Variants in DDAH1 observed in about 807,000 individuals in gnomAD.
The protein encoded by DDAH1 is N(G),N(G)-dimethylarginine dimethylaminohydrolase 1.
A neutral mutation model predicts 28.8 loss-of-function variants in DDAH1; 19 were observed. That is an observed-to-expected ratio of 0.66 (90% CI 0.46 to 0.97). The LOEUF (loss-of-function observed/expected upper bound fraction) is 0.97, where lower values mean the gene tolerates loss of function less well. Among genes scored for constraint, DDAH1 ranks in the 50% least tolerant of loss-of-function variants. The pLI is 0.00. For synonymous variants in DDAH1, 153 were observed against 154.4 expected (o/e 0.99, Z 0.07); for missense variants, 326 against 375.9 (o/e 0.87, Z 1.10).
At chr1:85,407,497 G>T (rs1004603227) in intron 1 of DDAH1, among the ~76,000 whole-genome samples, 4 of 152,160 alleles carry the variant, frequency 2.6e-5, no homozygotes, top group African/African-American at 9.7e-5. Context: ...CTGGCATCTG[G>T]AAACACACTT....
chr1:85,477,256 C>G (rs1021551519), intron 2 of DDAH1, among the ~76,000 whole-genome samples: 1 of 152,082 alleles, frequency 6.6e-6, no homozygotes, highest in Non-Finnish European at 1.5e-5. Context: ...ATATTGTTAA[C>G]CTTGTTTTAA....
intron 2 of DDAH1, among the ~76,000 whole-genome samples, chr1:85,471,324 T>C (rs1309356407): frequency 6.6e-6 from 1 of 152,212 alleles, no homozygotes; most frequent in East Asian, 1.9e-4. Context: ...TGCTAGTCCC[T>C]GGGTTCCTCG....
At chr1:85,342,481 T>C in intron 4 of DDAH1, among the ~76,000 whole-genome samples, 1 of 151,926 alleles carries the variant, frequency 6.6e-6, no homozygotes, top group Middle Eastern at 3.4e-3. Flanking sequence ...ATAACATTAG[T>C]GATTTTGGTA....
upstream of DDAH1, among the ~76,000 whole-genome samples, chr1:85,466,832 C>CTTTTTTTTTTTTTTTT (rs10675813): frequency 1.6e-3 from 110 of 70,716 alleles, 9 homozygotes; most frequent in Non-Finnish European, 1.7e-3. Context: ...ATTATTTATT[C>CTTTTTTTTTTTTTTTT]TTTTTTTTTT....
At chr1:85,376,130 C>G (rs1290225268) in intron 1 of DDAH1, among the ~76,000 whole-genome samples, 4 of 152,120 alleles carry the variant, frequency 2.6e-5, no homozygotes, top group Non-Finnish European at 2.9e-5. Flanking sequence ...GTTTGCCTCT[C>G]AAAGCAAACA....
At position 85,464,927 on chromosome 1, in the gene DDAH1, A is replaced by G. The variant is rs769597968; in HGVS notation, c.119T>C (p.Val40Ala). 1.3e-4 allele frequency: 202 copies of G among 1,549,914 alleles called. No individual in the cohort carries two copies. Among genetic ancestry groups the G allele is most frequent in the Non-Finnish European group, 1.7e-4 (192 of 1,158,978 alleles). ...LRSAKGEEVDVARAERQHQLY... is the reference protein window; with the variant it reads ...LRSAKGEEVDAARAERQHQLY... Reference sequence around the variant, plus strand: ...CTGGTGCTGCCGTTCCGCGCGGGCGACGTCCACCTCCTCGCCCTTGGCGCT... The same window carrying G: ...CTGGTGCTGCCGTTCCGCGCGGGCGGCGTCCACCTCCTCGCCCTTGGCGCT... Residue 40 changes from valine (V) to alanine (A), a missense_variant, in exon 1 of 6, where the codon GTC becomes GCC. Transcript: ENST00000284031. This position sits in a 1 kb window ranked among gnomAD's most constrained non-coding sequence, Gnocchi z 4.4.
chr1:85,471,964 C>T (rs12079811), intron 2 of DDAH1, among the ~76,000 whole-genome samples: 8,445 of 152,276 alleles, frequency 0.055, 225 homozygotes, highest in East Asian at 0.095. Context: ...TGTTCTCTGA[C>T]CTTCTCCTGC....
At chr1:85,478,554 CT>C (rs1206045376) in intron 2 of DDAH1, among the ~76,000 whole-genome samples, 1 of 151,692 alleles carries the variant, frequency 6.6e-6, no homozygotes, top group African/African-American at 2.4e-5. Context: ...GACTTATTCA[CT>C]AACAGAATAG....
chr1:85,359,211 T>TG (rs1322555897), intron 1 of DDAH1, among the ~76,000 whole-genome samples: 1 of 152,190 alleles, frequency 6.6e-6, no homozygotes, highest in Non-Finnish European at 1.5e-5. Flanking sequence ...CGGCCACTGT[T>TG]GGAGGCTGAC....
intron 1 of DDAH1, among the ~76,000 whole-genome samples, chr1:85,546,972 T>C (rs1658645384): frequency 6.6e-6 from 1 of 152,130 alleles, no homozygotes; most frequent in South Asian, 2.1e-4. Context: ...AGCTGCACTA[T>C]AAATTACCCT....
chr1:85,537,352 A>T (rs75416797), intron 1 of DDAH1, among the ~76,000 whole-genome samples: 8 of 150,608 alleles, frequency 5.3e-5, no homozygotes, highest in Admixed American at 6.6e-5. Flanking sequence ...TAATAATAAT[A>T]AAAAAAAATC....
At chr1:85,557,664 T>G (rs1244151834) in intron 1 of DDAH1, among the ~76,000 whole-genome samples, 1 of 152,080 alleles carries the variant, frequency 6.6e-6, no homozygotes, top group African/African-American at 2.4e-5. Flanking sequence ...TATATTAGAG[T>G]CCTAACCCCC....
intron 1 of DDAH1, among the ~76,000 whole-genome samples, chr1:85,538,665 C>T (rs542776497): frequency 3.4e-4 from 52 of 152,172 alleles, no homozygotes; most frequent in South Asian, 6.2e-4. Context: ...CTAAAGCAAC[C>T]GCAGAAATGC....
At chr1:85,522,965 G>C (rs1657741217) in intron 1 of DDAH1, among the ~76,000 whole-genome samples, 1 of 150,716 alleles carries the variant, frequency 6.6e-6, no homozygotes, top group African/African-American at 2.4e-5. Context: ...CCATGAATAA[G>C]AGAGGGTCCC....
chr1:85,545,277 T>C (rs1377446798), intron 1 of DDAH1, among the ~76,000 whole-genome samples: 1 of 152,118 alleles, frequency 6.6e-6, no homozygotes, highest in African/African-American at 2.4e-5. Flanking sequence ...AACATTCTTC[T>C]CCTTTAATAA....
chr1:85,454,789 G>A (rs577350290), intron 1 of DDAH1, among the ~76,000 whole-genome samples: 1 of 152,106 alleles, frequency 6.6e-6, no homozygotes, highest in Non-Finnish European at 1.5e-5. Flanking sequence ...CAGCAATTGG[G>A]GAAAAAATGG....
intron 1 of DDAH1, among the ~76,000 whole-genome samples, chr1:85,386,561 T>C (rs1651272622): frequency 6.6e-6 from 1 of 152,202 alleles, no homozygotes; most frequent in Non-Finnish European, 1.5e-5. Context: ...GCAGCACACA[T>C]GGTTGATCTC....
At chr1:85,571,027 C>T (rs1327016769) in intron 1 of DDAH1, among the ~76,000 whole-genome samples, 1 of 152,182 alleles carries the variant, frequency 6.6e-6, no homozygotes, top group Non-Finnish European at 1.5e-5. Flanking sequence ...TTCTAACTGT[C>T]TGATCCTGGA....
intron 1 of DDAH1, among the ~76,000 whole-genome samples, chr1:85,445,254 T>G (rs1654380710): frequency 6.6e-6 from 1 of 152,116 alleles, no homozygotes; most frequent in Admixed American, 6.6e-5. Context: ...CACTCAGTAT[T>G]AAGCATCACA....
Sources: allele counts gnomAD v4.1 joint callset (sites outside exome capture counted in the v4.1 genomes callset), GRCh38; gene constraint gnomAD v4.1.1; non-coding constraint Gnocchi (gnomAD v3.1); transcripts MANE v1.5; gene names NCBI Gene and HGNC (gene_info 2026-07-23, HGNC 2026-07-21).